Variants in NCAPH2 observed in about 807,000 individuals in gnomAD.
NCAPH2 encodes the protein condensin-2 complex subunit H2.
Under a neutral mutation model 88.6 loss-of-function variants are expected in NCAPH2, and 56 were observed. That is an observed-to-expected ratio of 0.63 (90% CI 0.51 to 0.79). NCAPH2 has a LOEUF of 0.79. Ranked by LOEUF, NCAPH2 falls within the 30% of genes least tolerant of loss-of-function variation. The pLI is 0.00. For synonymous variants in NCAPH2, 378 were observed against 313.6 expected, an observed-to-expected ratio of 1.21 and a Z score of -2.17; for missense variants, 794 against 792.0, an observed-to-expected ratio of 1.00 and a Z score of -0.03.
At chr22:50,514,214 GC>G (rs776680479) in intron 1 of NCAPH2, among the ~76,000 whole-genome samples, 13 of 152,112 alleles carry the variant, frequency 8.5e-5, no homozygotes, top group African/African-American at 1.2e-4. Context: ...CCTCCCTCTG[GC>G]TCCGTTTAGG....
At position 50,523,890 on chromosome 22, in the gene NCAPH2, A is replaced by G; in HGVS notation, c.*515A>G. On this transcript the variant is annotated 3_prime_UTR_variant, in exon 20 of 20. Coordinates refer to ENST00000420993, the MANE Select transcript of NCAPH2 (RefSeq NM_152299.4). ...CCTGGACGTAGCGGGCCATGGCTTCAACGTCGTCCCGCTCGGGGTCCACAG... is the reference window on the plus strand; with the variant it reads ...CCTGGACGTAGCGGGCCATGGCTTCGACGTCGTCCCGCTCGGGGTCCACAG... 4 of 1,613,868 alleles carry G rather than the reference A, an allele frequency of 2.5e-6. No homozygotes were observed. The Middle Eastern group carries it at 4.9e-4, about 200-fold the overall frequency.
rs761734000 is a variant in NCAPH2 at position 50,517,949 on chromosome 22, C to T, written c.421-24C>T. The T allele has an allele frequency of 5.0e-6, 8 of 1,610,358 alleles. No individual in the cohort carries two copies. In the African/African-American group the frequency reaches 6.7e-5, roughly 13 times the overall value. ...CACTGGAGTGGAAGGGTGCCTGGCTCACCCACCCTTGGCCTCCATGCAGGA... is the reference window on the plus strand; with the variant it reads ...CACTGGAGTGGAAGGGTGCCTGGCTTACCCACCCTTGGCCTCCATGCAGGA... On this transcript the variant is annotated intron_variant, in intron 5 of 19. Coordinates refer to ENST00000420993, the MANE Select transcript of NCAPH2 (RefSeq NM_152299.4).
chr22:50,515,905 C>A, intron 1 of NCAPH2: 4 of 769,400 alleles, frequency 5.2e-6, no homozygotes, highest in Non-Finnish European at 7.3e-6. Flanking sequence ...TGGTTGGCAG[C>A]TTGGGCATGG....
chr22:50,511,859 G>A (rs947659812), intron 1 of NCAPH2, among the ~76,000 whole-genome samples: 2 of 151,906 alleles, frequency 1.3e-5, no homozygotes, highest in Non-Finnish European at 2.9e-5. Flanking sequence ...ATGTTAGCCA[G>A]GATGGTCTTG....
At chr22:50,520,015 C>T (rs1030008080) in intron 9 of NCAPH2, among the ~76,000 whole-genome samples, 6 of 152,092 alleles carry the variant, frequency 3.9e-5, no homozygotes, top group South Asian at 2.1e-4. Flanking sequence ...GGACTACAGG[C>T]GCCCGCCACC....
In NCAPH2 at chr22:50,523,722, C is replaced by G. The variant is rs2069190990; in HGVS notation, c.*347C>G. On this transcript the variant is annotated 3_prime_UTR_variant, in exon 20 of 20. Coordinates refer to ENST00000420993, the MANE Select transcript of NCAPH2 (RefSeq NM_152299.4). The stretch of plus-strand genomic sequence containing the variant: ...CCGTGAAGAGGCCGTCAGGGTTGAG[C>G]AGGTAGATGGCAATGGAGTGGTCCA... The G allele has an allele frequency of 3.1e-6, 5 of 1,614,216 alleles. No homozygotes were observed. Among genetic ancestry groups the G allele is most frequent in the South Asian group, 1.1e-5 (1 of 91,084 alleles).
intron 1 of NCAPH2, among the ~76,000 whole-genome samples, 191 bp from the exon 2 acceptor site, chr22:50,516,256 G>A (rs76014823): frequency 0.07 from 10,664 of 152,130 alleles, 600 homozygotes; most frequent in East Asian, 0.27. Flanking sequence ...TTTGTTATAG[G>A]AAGTAGGGGG....
chr22:50,523,969 A>G lies in NCAPH2; in HGVS notation c.*594A>G, dbSNP rs2069207041. On this transcript the variant is annotated 3_prime_UTR_variant, in exon 20 of 20. Coordinates refer to ENST00000420993, the MANE Select transcript of NCAPH2 (RefSeq NM_152299.4). ...ACCAGGCTCTGCTTCCAGCTGCCGCACCACCTGCACCAGCTTCTCCAGCTC... is the reference window on the plus strand; with the variant it reads ...ACCAGGCTCTGCTTCCAGCTGCCGCGCCACCTGCACCAGCTTCTCCAGCTC... 1.2e-6 allele frequency: 2 copies of G among 1,612,340 alleles called. No homozygotes were observed. Among genetic ancestry groups the G allele is most frequent in the Non-Finnish European group, 1.7e-6 (2 of 1,178,998 alleles).
chr22:50,517,402 C>T (rs2068954317), intron 2 of NCAPH2, 25 bp from the exon 3 acceptor site: 3 of 1,613,758 alleles, frequency 1.9e-6, no homozygotes, highest in Non-Finnish European at 2.5e-6. Context: ...TTTCTGGGTC[C>T]TCACTGCCTG....
In NCAPH2 at chr22:50,522,330, T is replaced by C. The variant is rs956373603; in HGVS notation, c.1234-13T>C. ...AGGTGACAGTGCCCCTCACAGATGC[T>C]TTCTCTGGACAGGTGGCTGAGCAGT... On this transcript the variant is annotated splice_polypyrimidine_tract_variant and intron_variant, in intron 14 of 19. Transcript: ENST00000420993. The C allele has an allele frequency of 2.5e-6, 4 of 1,603,730 alleles. No individual in the cohort carries two copies. In the African/African-American group the frequency reaches 5.3e-5, roughly 21 times the overall value.
At position 50,523,035 on chromosome 22, in the gene NCAPH2, G is replaced by A; in HGVS notation, c.1546G>A (p.Asp516Asn). The A allele has an allele frequency of 6.2e-7, 1 of 1,601,010 alleles. No homozygotes were observed. ...LQEQEQHVPF[D>N]IHTYGDQLVS... is the part of the protein sequence containing the mutation. The stretch of plus-strand genomic sequence containing the variant: ...TGTGCAGGAGCAGCATGTGCCCTTT[G>A]ACATCCACACCTATGGGGACCAGCT... Residue 516 changes from aspartate to asparagine, a missense_variant, in exon 19 of 20, where the codon GAC (aspartate) becomes AAC (asparagine). By Grantham distance (23) the Asp-to-Asn change is conservative (BLOSUM62 1). This residue lies in a region of NCAPH2 where 735 missense variants were observed against 696.3 expected (regional missense o/e 1.06). Transcript: ENST00000420993.
At chr22:50,517,383 G>A (rs552455534) in intron 2 of NCAPH2, 44 bp from the exon 3 acceptor site, 1 of 1,605,720 alleles carries the variant, frequency 6.2e-7, no homozygotes, top group Admixed American at 1.7e-5. Flanking sequence ...CTTGGGGGTG[G>A]GCCCCTCCTT....
intron 1 of NCAPH2, among the ~76,000 whole-genome samples, chr22:50,514,990 C>T (rs1174156493): frequency 6.6e-6 from 1 of 152,220 alleles, no homozygotes; most frequent in Non-Finnish European, 1.5e-5. Context: ...TCTGGTGAGC[C>T]TCTGCGTTTT....
At chr22:50,518,316 G>A (rs1430420303) in intron 7 of NCAPH2, 38 bp downstream of exon 7, 2 of 1,602,264 alleles carry the variant, frequency 1.2e-6, no homozygotes, top group Non-Finnish European at 1.7e-6. Flanking sequence ...TGGGAAGGAA[G>A]GGAGGGTCTT....
intron 7 of NCAPH2, 144 bp from the exon 8 acceptor site, chr22:50,518,505 C>A: frequency 9.7e-7 from 1 of 1,025,954 alleles, no homozygotes; most frequent in Non-Finnish European, 1.4e-6. Flanking sequence ...GGCTCAGGGC[C>A]CTGCTGTCTC....
Position 50,523,224 on chromosome 22 carries a change from C to A in NCAPH2, c.1678-11C>A. 1 of 1,613,380 alleles carries A rather than the reference C, an allele frequency of 6.2e-7. No homozygotes were observed. The highest frequency in any genetic ancestry group is 8.5e-7 in the Non-Finnish European group (1 of 1,179,854). ...CGGTCCCCAGACCCTGCTGATGTGC[C>A]ACCCCTGCAGGCCAATGACTACACA... On this transcript the variant is annotated splice_polypyrimidine_tract_variant and intron_variant, in intron 19 of 19. Transcript: ENST00000420993.
At chr22:50,518,771 CAA>C in intron 8 of NCAPH2, 39 bp downstream of exon 8, 1 of 1,558,514 alleles carries the variant, frequency 6.4e-7, no homozygotes, top group Non-Finnish European at 8.7e-7. Flanking sequence ...GCAGGGCAGC[CAA>C]AGAGGGGACC....
intron 1 of NCAPH2, among the ~76,000 whole-genome samples, chr22:50,513,858 G>T (rs2068850433): frequency 1.3e-5 from 2 of 152,170 alleles, no homozygotes; most frequent in South Asian, 2.1e-4. Context: ...AGAGTTTGGG[G>T]GGCTTAGTTT....
At chr22:50,516,871 G>T (rs1313231971) in intron 2 of NCAPH2, among the ~76,000 whole-genome samples, 2 of 152,158 alleles carry the variant, frequency 1.3e-5, no homozygotes, top group Non-Finnish European at 2.9e-5. Flanking sequence ...GTGCCTCATT[G>T]TCAGCACCTA....
Sources: allele counts gnomAD v4.1 joint callset (sites outside exome capture counted in the v4.1 genomes callset), GRCh38; gene constraint gnomAD v4.1.1; regional missense constraint gnomAD v4.1.1; transcripts MANE v1.5; gene names NCBI Gene and HGNC (gene_info 2026-07-23, HGNC 2026-07-21).